Variants in ATP6V0A4 observed in about 807,000 individuals in gnomAD.
ATP6V0A4 encodes V-type proton ATPase 116 kDa subunit a 4.
A neutral mutation model predicts 107.3 loss-of-function variants in ATP6V0A4; 86 were observed. The observed-to-expected ratio is 0.80, with a 90% CI of 0.67 to 0.96. The LOEUF (loss-of-function observed/expected upper bound fraction) is 0.96, where lower values mean the gene tolerates loss of function less well. Ranked by LOEUF, ATP6V0A4 falls within the 40% of genes least tolerant of loss-of-function variation. The probability of loss-of-function intolerance (pLI) is 0.00; values close to 1 mark genes in which losing one functional copy is unlikely to be tolerated. For synonymous variants in ATP6V0A4, 353 were observed against 381.4 expected (o/e 0.93, Z 0.87); for missense variants, 908 against 1,045.6 (o/e 0.87, Z 1.81).
chr7:138,759,545 T>C (rs1021184600), intron 8 of ATP6V0A4, among the ~76,000 whole-genome samples: 8 of 152,176 alleles, frequency 5.3e-5, no homozygotes, highest in Non-Finnish European at 1.2e-4. Context: ...TTATGAGGTG[T>C]TGACAAGAAT....
intron 10 of ATP6V0A4, among the ~76,000 whole-genome samples, chr7:138,753,816 G>C (rs1372805673): frequency 6.6e-6 from 1 of 152,118 alleles, no homozygotes; most frequent in Non-Finnish European, 1.5e-5. Context: ...GGAGACAAGA[G>C]CACCTCAGCA....
chr7:138,716,007 A>G, intron 19 of ATP6V0A4, 126 bp from the exon 20 acceptor site: 2 of 1,285,054 alleles, frequency 1.6e-6, no homozygotes, highest in Non-Finnish European at 2.2e-6. Flanking sequence ...ACTAGGGGAA[A>G]AGAAATAGTA....
chr7:138,712,721 T>C lies in ATP6V0A4; in HGVS notation c.2258-2926A>G, dbSNP rs972990110. Among the ~76,000 whole-genome samples the C allele has an allele frequency of 2.2e-4, 34 of 151,326 alleles. 1 individual carries two copies. The highest frequency in any genetic ancestry group is 4.4e-5 in the Non-Finnish European group (3 of 67,856). On this transcript the variant is annotated intron_variant, in intron 20 of 21. Transcript: ENST00000310018. ...AATCAGGGCAGGCAGCCATGAACCA[T>C]ATGGGTTTTTAGGAATCAAATGACC... is the stretch of plus-strand genomic sequence containing the variant.
At position 138,746,694 on chromosome 7, in the gene ATP6V0A4, G is replaced by C. The variant is rs773941916; in HGVS notation, c.1320+731C>G. ...AATTTTTGTATTTTTAGTAGAGACA[G>C]GGTTTCACCATGTTGGCCACGTTGG... is the stretch of plus-strand genomic sequence containing the variant. On this transcript the variant is annotated intron_variant, in intron 13 of 21. Transcript: ENST00000310018. 1.5e-3 allele frequency among the ~76,000 whole-genome samples: 225 copies of C among 152,196 alleles called. 1 individual carries two copies. The highest frequency in any genetic ancestry group is 2.7e-3 in the Non-Finnish European group (186 of 68,016).
intron 5 of ATP6V0A4, among the ~76,000 whole-genome samples, chr7:138,764,307 G>T (rs76749822): frequency 6.6e-6 from 1 of 151,896 alleles, no homozygotes; most frequent in Non-Finnish European, 1.5e-5. Context: ...TACACAGGGC[G>T]ACAGACACAT....
chr7:138,728,179 A>G (rs571533987), intron 18 of ATP6V0A4, among the ~76,000 whole-genome samples: 8 of 151,170 alleles, frequency 5.3e-5, no homozygotes, highest in South Asian at 2.1e-4. Context: ...CACGAGACTC[A>G]GCACACATAC....
intron 10 of ATP6V0A4, among the ~76,000 whole-genome samples, chr7:138,753,736 C>G (rs530817811): frequency 2.0e-5 from 3 of 152,256 alleles, no homozygotes; most frequent in South Asian, 2.1e-4. Flanking sequence ...ATGAGGCCAC[C>G]GAAGCATCTC....
rs1554401898 is a variant in ATP6V0A4, at chr7:138,778,290, C to CACTTGAACCCAGGAG, written c.-17-7027_-17-7026insCTCCTGGGTTCAAGT. On this transcript the variant is annotated intron_variant, in intron 2 of 21. Transcript: ENST00000310018. ...ACACAAGAGGCTGAGGCAGGAGAAT[C>CACTTGAACCCAGGAG]GCAAAGGTTGCAGTGAGCCAAGATC... 4.2e-3 allele frequency among the ~76,000 whole-genome samples: 628 copies of CACTTGAACCCAGGAG among 151,186 alleles called. 4 individuals are homozygous for CACTTGAACCCAGGAG. The highest frequency in any genetic ancestry group is 0.013 in the African/African-American group (533 of 41,262).
At chr7:138,768,964 T>C in intron 4 of ATP6V0A4, 90 bp from the exon 5 acceptor site, 1 of 1,584,702 alleles carries the variant, frequency 6.3e-7, no homozygotes, top group Non-Finnish European at 8.6e-7. Flanking sequence ...TGCCTTTCAC[T>C]CAGCTCAGCT....
At chr7:138,781,382 G>A (rs1807913132) in intron 2 of ATP6V0A4, among the ~76,000 whole-genome samples, 1 of 151,528 alleles carries the variant, frequency 6.6e-6, no homozygotes, top group South Asian at 2.1e-4. Context: ...CAAGGCTGGA[G>A]TGCAGTGGTG....
At chr7:138,745,733 C>T (rs1805890932) in intron 13 of ATP6V0A4, among the ~76,000 whole-genome samples, 1 of 144,416 alleles carries the variant, frequency 6.9e-6, no homozygotes, top group African/African-American at 2.6e-5. Context: ...ATGGGCAGAT[C>T]ACCTGGGGTC....
At chr7:138,734,032 G>C (rs1584909027) in intron 16 of ATP6V0A4, 104 bp downstream of exon 16, 1 of 1,357,728 alleles carries the variant, frequency 7.4e-7, no homozygotes, top group East Asian at 2.4e-5. Flanking sequence ...CTCATAGGAA[G>C]AAAACTTGCA....
rs3823501 is a variant in ATP6V0A4 at position 138,721,623 on chromosome 7, C to T, written c.2139+274G>A. Reference sequence around the variant, plus strand: ...GCAGGACCTTCTATGTCACTAGATCCGAGGCTGATATTCACCTGACACATA... The same window carrying T: ...GCAGGACCTTCTATGTCACTAGATCTGAGGCTGATATTCACCTGACACATA... On this transcript the variant is annotated intron_variant, in intron 19 of 21. Transcript: ENST00000310018. Among the ~76,000 whole-genome samples, 117,608 of 152,144 alleles carry T rather than the reference C, an allele frequency of 0.77. 45,712 individuals are homozygous for T. Among genetic ancestry groups the T allele is most frequent in the African/African-American group, 0.86 (35,568 of 41,520 alleles).
At chr7:138,794,742 A>T (rs1471157278) in intron 1 of ATP6V0A4, among the ~76,000 whole-genome samples, 1 of 152,162 alleles carries the variant, frequency 6.6e-6, no homozygotes, top group East Asian at 1.9e-4. Context: ...CTGATGCAAA[A>T]TGTATGAGTG....
At chr7:138,739,453 A>C in intron 15 of ATP6V0A4, 87 bp downstream of exon 15, 2 of 1,484,936 alleles carry the variant, frequency 1.3e-6, no homozygotes, top group Non-Finnish European at 9.3e-7. Flanking sequence ...TTGATTTGAC[A>C]GGCTTTGTTG....
chr7:138,720,066 G>A (rs987228184), intron 19 of ATP6V0A4, among the ~76,000 whole-genome samples: 6 of 151,762 alleles, frequency 4.0e-5, no homozygotes, highest in East Asian at 1.9e-4. Flanking sequence ...AGCACTTTCC[G>A]GAGTTCTGTG....
intron 17 of ATP6V0A4, among the ~76,000 whole-genome samples, chr7:138,731,258 G>C (rs1029183843): frequency 6.6e-6 from 1 of 152,016 alleles, no homozygotes; most frequent in Non-Finnish European, 1.5e-5. Context: ...ATTGATGCTT[G>C]GGTAGGGAAA....
chr7:138,762,202 G>T (rs1806855985), intron 7 of ATP6V0A4, 138 bp downstream of exon 7: 1 of 1,108,060 alleles, frequency 9.0e-7, no homozygotes, highest in Non-Finnish European at 1.3e-6. Context: ...TTACATATGG[G>T]TCTATCGCTT....
intron 5 of ATP6V0A4, 106 bp from the exon 6 acceptor site, chr7:138,763,131 TA>T: frequency 6.6e-7 from 1 of 1,522,712 alleles, no homozygotes; most frequent in Non-Finnish European, 8.9e-7. Context: ...AATCAGCACA[TA>T]ACATGATTGC....
Sources: gnomAD v4.1 joint callset for allele counts (sites outside exome capture counted in the v4.1 genomes callset) on GRCh38, gnomAD v4.1.1 for gene constraint, MANE v1.5 for transcripts, NCBI Gene and HGNC (gene_info 2026-07-23, HGNC 2026-07-21) for gene names.